Variants in ADAMTS3 observed in about 807,000 individuals in gnomAD.
The protein encoded by ADAMTS3 is ADAM metallopeptidase with thrombospondin type 1 motif 3.
ADAMTS3 carries 73 observed loss-of-function variants against 129.0 expected under a neutral mutation model. That is an observed-to-expected ratio of 0.57 (90% CI 0.47 to 0.69). The LOEUF (loss-of-function observed/expected upper bound fraction) is 0.69. Ranked by LOEUF, ADAMTS3 falls within the 30% of genes least tolerant of loss-of-function variation. The probability of loss-of-function intolerance (pLI) is 0.00; values close to 1 mark genes in which losing one functional copy is unlikely to be tolerated. For synonymous variants in ADAMTS3, 477 were observed against 510.8 expected, an observed-to-expected ratio of 0.93 and a Z score of 0.89; for missense variants, 1,457 against 1,514.5, an observed-to-expected ratio of 0.96 and a Z score of 0.63.
chr4:72,428,641 C>T (rs1233674340), intron 3 of ADAMTS3, among the ~76,000 whole-genome samples: 1 of 151,884 alleles, frequency 6.6e-6, no homozygotes, highest in Non-Finnish European at 1.5e-5. Flanking sequence ...AAGGAGAAAC[C>T]CTAGCTTGGT....
chr4:72,422,370 A>G (rs1471085869), intron 3 of ADAMTS3, among the ~76,000 whole-genome samples: 1 of 152,164 alleles, frequency 6.6e-6, no homozygotes, highest in Non-Finnish European at 1.5e-5. Context: ...CAGAGATTCT[A>G]ATCTCTGCAA....
intron 3 of ADAMTS3, among the ~76,000 whole-genome samples, chr4:72,462,820 A>T (rs1718808300): frequency 6.6e-6 from 1 of 152,024 alleles, no homozygotes; most frequent in Non-Finnish European, 1.5e-5. Flanking sequence ...AAGTAAAAAA[A>T]AAATCGTAAA....
intron 18 of ADAMTS3, 38 bp downstream of exon 18, chr4:72,298,239 C>T (rs1346759051): frequency 3.9e-6 from 6 of 1,553,932 alleles, no homozygotes; most frequent in African/African-American, 2.7e-5. Context: ...TTTTTATATG[C>T]ATTACATTTT....
intron 3 of ADAMTS3, among the ~76,000 whole-genome samples, chr4:72,435,546 A>C (rs1722800424): frequency 6.6e-6 from 1 of 151,868 alleles, no homozygotes; most frequent in Admixed American, 6.6e-5. Context: ...CTACCTTATG[A>C]ATAGTTTTAT....
chr4:72,540,726 C>T (rs577894386), intron 3 of ADAMTS3, among the ~76,000 whole-genome samples: 1 of 152,240 alleles, frequency 6.6e-6, no homozygotes, highest in East Asian at 1.9e-4. Context: ...CCAAGCATGG[C>T]CCATGACTTC....
chr4:72,548,869 C>T lies in ADAMTS3; in HGVS notation c.113G>A (p.Arg38Lys), dbSNP rs902857494. The change falls in exon 3 of 22, where the codon AGA becomes AAA. Residue 38 changes from arginine (R) to lysine (K), a missense_variant. Transcript: ENST00000286657. ...EMVQIDLPIK[R>K]YREYELVTPV... ...AGTCACCAGCTCATACTCTCTATAT[C>T]TCTTTATTGGTAAATCTGTGGGGTG... 2 of 1,608,638 alleles carry T rather than the reference C, an allele frequency of 1.2e-6. No homozygotes were observed. The highest frequency in any genetic ancestry group is 2.7e-5 in the African/African-American group (2 of 74,798).
chr4:72,557,186 C>T (rs1269165798), intron 2 of ADAMTS3, among the ~76,000 whole-genome samples: 5 of 151,802 alleles, frequency 3.3e-5, no homozygotes, highest in Admixed American at 6.6e-5. Context: ...TCTAAAGAAG[C>T]AGCTCCAACA....
At chr4:72,549,822 T>C (rs788907) in intron 2 of ADAMTS3, among the ~76,000 whole-genome samples, 4,258 of 151,126 alleles carry the variant, frequency 0.028, 231 homozygotes, top group African/African-American at 0.099. Context: ...CAAATATAAG[T>C]ATTTTGTCTA....
Position 72,281,931 on chromosome 4 carries a change from C to T in ADAMTS3, c.*1205G>A, listed in dbSNP as rs1448737781. The T allele has an allele frequency of 6.6e-6, 1 of 152,176 alleles. No homozygotes were observed. Among genetic ancestry groups the T allele is most frequent in the African/African-American group, 2.4e-5 (1 of 41,452 alleles). 9.4% of individuals were successfully genotyped at this position (152,176 alleles called of 1,614,324 possible). On this transcript the variant is annotated 3_prime_UTR_variant, in exon 22 of 22. Transcript: ENST00000286657. The stretch of plus-strand genomic sequence containing the variant: ...TTGCTGTGAGCAAGGTGACTACTGA[C>T]ATAAATTATTAGCACATTATTGCAG...
chr4:72,527,780 C>A (rs1228553782), intron 3 of ADAMTS3, among the ~76,000 whole-genome samples: 2 of 152,132 alleles, frequency 1.3e-5, no homozygotes, highest in Non-Finnish European at 2.9e-5. Context: ...CACAGGGTTA[C>A]AAGGCCGAGC....
At chr4:72,415,083 T>C in intron 3 of ADAMTS3, 112 bp from the exon 4 acceptor site, 3 of 804,214 alleles carry the variant, frequency 3.7e-6, no homozygotes, top group Non-Finnish European at 5.2e-6. Flanking sequence ...TAACGCTTTT[T>C]CTTTCCACAT....
intron 3 of ADAMTS3, among the ~76,000 whole-genome samples, chr4:72,468,763 G>A (rs960618280): frequency 3.3e-5 from 5 of 150,404 alleles, no homozygotes; most frequent in Admixed American, 1.3e-4. Flanking sequence ...AAAAAAAAAC[G>A]AGAAGAAAAC....
chr4:72,290,704 T>C (rs1718634114), intron 20 of ADAMTS3, 151 bp downstream of exon 20: 2 of 789,564 alleles, frequency 2.5e-6, no homozygotes, highest in African/African-American at 1.7e-5. Flanking sequence ...TCTTAAAGCA[T>C]TAATTTTTCC....
At chr4:72,310,096 T>C (rs1387545945) in intron 14 of ADAMTS3, among the ~76,000 whole-genome samples, 2 of 151,970 alleles carry the variant, frequency 1.3e-5, no homozygotes, top group African/African-American at 2.4e-5. Context: ...TTTAAACCAA[T>C]GGAAGGTTAG....
Position 72,363,919 on chromosome 4 carries a change from C to A in ADAMTS3, c.662-24226G>T, listed in dbSNP as rs72863703. Among the ~76,000 whole-genome samples the A allele has an allele frequency of 7.9e-5, 12 of 151,644 alleles. 1 individual carries two copies. In the South Asian group the frequency reaches 2.5e-3, roughly 32 times the overall value. ...GATACGACGATGATGATGGTGATGGCGACGATAATGATGATGATGATGAAG... is the reference window on the plus strand; with the variant it reads ...GATACGACGATGATGATGGTGATGGAGACGATAATGATGATGATGATGAAG... On this transcript the variant is annotated intron_variant, in intron 4 of 21. Coordinates refer to ENST00000286657, the MANE Select transcript of ADAMTS3 (RefSeq NM_014243.3).
Position 72,320,637 on chromosome 4 carries a change from G to C in ADAMTS3, c.1102+77C>G, listed in dbSNP as rs1719527814. ...AGCAGTGGTGGAGAGCAGAACATTT[G>C]AACAGACTGCCTGATTTAGGATTAC... is the stretch of plus-strand genomic sequence containing the variant. On this transcript the variant is annotated intron_variant, in intron 7 of 21. Coordinates refer to ENST00000286657, the MANE Select transcript of ADAMTS3 (RefSeq NM_014243.3). 2.0e-6 allele frequency: 3 copies of C among 1,476,292 alleles called. No homozygotes were observed. In the East Asian group the frequency reaches 6.9e-5, roughly 34 times the overall value. 91.4% of individuals were successfully genotyped at this position (1,476,292 alleles called of 1,614,324 possible). A position where few individuals can be genotyped will look rare whatever the true frequency, so the allele number is the denominator to read the frequency against.
In ADAMTS3 at chr4:72,548,642, A is replaced by G. The variant is rs149779138; in HGVS notation, c.340T>C (p.Ser114Pro). 11 of 1,613,852 alleles carry G rather than the reference A, an allele frequency of 6.8e-6. No individual in the cohort carries two copies. The African/African-American group carries it at 1.5e-4, about 22-fold the overall frequency. Residue 114 changes from serine (S) to proline (P), a missense_variant, in exon 3 of 22, where the codon TCT becomes CCT. By Grantham distance (74) the Ser-to-Pro change is moderately conservative. Transcript: ENST00000286657. Reference protein sequence around the residue: ...PGAVVEWHETSLVPGNITDPI... With the variant: ...PGAVVEWHETPLVPGNITDPI... ...TCGGTTATATTCCCAGGCACCAGAG[A>G]TGTCTCATGCCACTCCACAACAGCC...
At chr4:72,463,336 G>A (rs1718823110) in intron 3 of ADAMTS3, among the ~76,000 whole-genome samples, 1 of 151,990 alleles carries the variant, frequency 6.6e-6, no homozygotes, top group South Asian at 2.1e-4. Context: ...AGGCATGACT[G>A]TAATGGGTAC....
rs1047373471 is a variant in ADAMTS3, at chr4:72,282,151, C to A, written c.*985G>T. 6.6e-6 allele frequency: 1 copy of A among 152,140 alleles called. No individual in the cohort carries two copies. The highest frequency in any genetic ancestry group is 2.4e-5 in the African/African-American group (1 of 41,416). The allele number at this position is 152,140 out of a possible 1,614,324, so 9.4% of individuals were successfully genotyped here. ...AGTTATCCCAAAACTTTTTCCTTTG[C>A]GATTATTACAGTACATTGAGTATAA... is the stretch of plus-strand genomic sequence containing the variant. On this transcript the variant is annotated 3_prime_UTR_variant, in exon 22 of 22. Transcript: ENST00000286657.
Sources: gnomAD v4.1 joint callset for allele counts (sites outside exome capture counted in the v4.1 genomes callset) on GRCh38, gnomAD v4.1.1 for gene constraint, MANE v1.5 for transcripts, NCBI Gene and HGNC (gene_info 2026-07-23, HGNC 2026-07-21) for gene names.